The following DSCAM variants were observed in gnomAD, a reference collection of about 807,000 sequenced individuals.
DSCAM encodes DS cell adhesion molecule.
A neutral mutation model predicts 217.7 loss-of-function variants in DSCAM; 47 were observed. The ratio of observed to expected loss-of-function variants is 0.22; its 90% CI spans 0.17 to 0.28. The LOEUF is 0.28. DSCAM is among the 10% of genes least tolerant of loss of function. The probability of loss-of-function intolerance (pLI) is 1.00; values close to 1 mark genes in which losing one functional copy is unlikely to be tolerated. For missense variants in DSCAM, 2,080 were observed against 2,618.3 expected (o/e 0.79, Z 4.49); for synonymous variants, 1,056 against 1,015.3 (o/e 1.04, Z -0.76).
intron 1 of DSCAM, among the ~76,000 whole-genome samples, chr21:40,761,205 G>A (rs1245604323): frequency 1.3e-5 from 2 of 152,172 alleles, no homozygotes; most frequent in Non-Finnish European, 2.9e-5. Flanking sequence ...ATGCAGTTTT[G>A]CTAAATCTAA....
intron 27 of DSCAM, among the ~76,000 whole-genome samples, chr21:40,074,492 A>G (rs563935522): frequency 2.0e-5 from 3 of 152,184 alleles, no homozygotes; most frequent in Non-Finnish European, 4.4e-5. Flanking sequence ...TCTGTTCACA[A>G]TGGAGCTCAT....
chr21:40,648,552 G>A (rs2089977229), intron 3 of DSCAM, among the ~76,000 whole-genome samples: 1 of 152,112 alleles, frequency 6.6e-6, no homozygotes, highest in South Asian at 2.1e-4. Flanking sequence ...TTGAGAACCT[G>A]TCTTTCCATT....
At chr21:40,013,730 G>A (rs2088105337) in intron 32 of DSCAM, among the ~76,000 whole-genome samples, 1 of 152,200 alleles carries the variant, frequency 6.6e-6, no homozygotes, top group Non-Finnish European at 1.5e-5. Context: ...GGGTACGAAC[G>A]GTGATAGACC....
At position 40,167,248 on chromosome 21, in the gene DSCAM, T is replaced by C; in HGVS notation, c.2988A>G (p.Ile996Met). Residue 996 changes from isoleucine (I) to methionine (M), a missense_variant, in exon 16 of 33, where the codon ATA (isoleucine) becomes ATG (methionine). Physicochemically the swap from Ile to Met is conservative, Grantham distance 10 (BLOSUM62 1). Transcript: ENST00000400454. ...GPPQEVHLEP[I>M]SSQSIRVTWK... Reference sequence around the variant, plus strand: ...ATGTGACCCTGATGCTCTGAGATGATATAGGCTCCAGGTGAACTTCCTGAG... The same window carrying C: ...ATGTGACCCTGATGCTCTGAGATGACATAGGCTCCAGGTGAACTTCCTGAG... The C allele has an allele frequency of 6.2e-7, 1 of 1,613,882 alleles. No individual in the cohort carries two copies. Among genetic ancestry groups the C allele is most frequent in the Non-Finnish European group, 8.5e-7 (1 of 1,179,996 alleles).
Position 40,142,550 on chromosome 21 carries a change from C to A in DSCAM, c.3406+8G>T, listed in dbSNP as rs373831835. ...GGCAAACCCAAAGTCCTAGTTTAGT[C>A]CTCTTACCTCCGTCCATGAGGTTGG... On this transcript the variant is annotated splice_region_variant and intron_variant, in intron 18 of 32. Coordinates refer to ENST00000400454, the MANE Select transcript of DSCAM (RefSeq NM_001389.5). 3 of 1,613,662 alleles carry A rather than the reference C, an allele frequency of 1.9e-6. No homozygotes were observed. The African/African-American group carries it at 4.0e-5, about 22-fold the overall frequency.
chr21:40,739,755 G>A (rs922865663), intron 1 of DSCAM, among the ~76,000 whole-genome samples: 18 of 150,654 alleles, frequency 1.2e-4, no homozygotes, highest in South Asian at 8.4e-4. Flanking sequence ...TTAACTTCCC[G>A]AAATCAGTTA....
At chr21:40,207,982 C>T (rs138189583) in intron 11 of DSCAM, among the ~76,000 whole-genome samples, 1 of 152,280 alleles carries the variant, frequency 6.6e-6, no homozygotes, top group Non-Finnish European at 1.5e-5. Context: ...CCTCTTTAAG[C>T]CTCTATCTTC....
At chr21:40,283,038 A>T (rs993231201) in intron 10 of DSCAM, among the ~76,000 whole-genome samples, 1 of 152,232 alleles carries the variant, frequency 6.6e-6, no homozygotes, top group African/African-American at 2.4e-5. Context: ...TGGTTACTAA[A>T]TGGAATAATA....
intron 11 of DSCAM, among the ~76,000 whole-genome samples, chr21:40,199,271 C>T (rs748347801): frequency 6.6e-6 from 1 of 152,196 alleles, no homozygotes; most frequent in Non-Finnish European, 1.5e-5. Flanking sequence ...CATAAAAACA[C>T]CCACAGTATG....
chr21:40,589,605 A>G (rs1188002635), intron 3 of DSCAM, among the ~76,000 whole-genome samples: 2 of 152,242 alleles, frequency 1.3e-5, no homozygotes, highest in East Asian at 3.9e-4. Context: ...CACACAAAAA[A>G]CAAAAAACCA....
At chr21:40,023,342 T>A (rs2088312294) in intron 32 of DSCAM, among the ~76,000 whole-genome samples, 1 of 152,146 alleles carries the variant, frequency 6.6e-6, no homozygotes, top group South Asian at 2.1e-4. Context: ...TGTGCATATG[T>A]CTTTATAGCA....
At chr21:40,530,890 C>T (rs1274984366) in intron 3 of DSCAM, among the ~76,000 whole-genome samples, 1 of 81,322 alleles carries the variant, frequency 1.2e-5, no homozygotes, top group African/African-American at 1.0e-4. Flanking sequence ...TCCATCCATC[C>T]ATCCATCCAT....
intron 3 of DSCAM, among the ~76,000 whole-genome samples, chr21:40,563,993 C>T (rs923065798): frequency 6.6e-6 from 1 of 152,166 alleles, no homozygotes; most frequent in East Asian, 1.9e-4. Flanking sequence ...TGAGCAAGGC[C>T]AGCCATGCAA....
chr21:40,435,890 T>C (rs1601642354), intron 3 of DSCAM, among the ~76,000 whole-genome samples: 1 of 152,210 alleles, frequency 6.6e-6, no homozygotes, highest in Non-Finnish European at 1.5e-5. Flanking sequence ...ATATGTGATA[T>C]GATACCCTCT....
At chr21:40,591,918 G>T (rs1408851488) in intron 3 of DSCAM, among the ~76,000 whole-genome samples, 5 of 152,156 alleles carry the variant, frequency 3.3e-5, no homozygotes, top group Non-Finnish European at 7.3e-5. Flanking sequence ...ATCTGCCCAA[G>T]AATTAAAGAG....
intron 30 of DSCAM, among the ~76,000 whole-genome samples, chr21:40,050,906 G>C (rs560125591): frequency 2.6e-5 from 4 of 152,308 alleles, no homozygotes; most frequent in African/African-American, 9.6e-5. Flanking sequence ...TAGACAAAAG[G>C]AAGAGGTAAA....
intron 16 of DSCAM, among the ~76,000 whole-genome samples, chr21:40,155,366 G>A (rs750553761): frequency 2.6e-5 from 4 of 152,326 alleles, no homozygotes; most frequent in South Asian, 4.1e-4. Flanking sequence ...GTGAGCCTGA[G>A]GCTGGGCCCC....
Position 40,144,393 on chromosome 21 carries a change from C to CG in DSCAM, c.3259+97dup. 1 of 1,546,914 alleles carries CG rather than the reference C, an allele frequency of 6.5e-7. No individual in the cohort carries two copies. The highest frequency in any genetic ancestry group is 8.8e-7 in the Non-Finnish European group (1 of 1,142,496). On this transcript the variant is annotated intron_variant, in intron 17 of 32. Transcript: ENST00000400454. The surrounding 1 kb of genome is among the most constrained non-coding windows in gnomAD (Gnocchi z 4.8). The stretch of plus-strand genomic sequence containing the variant: ...CAGGCCCTGCAGGTCACTGCAAAGT[C>CG]GTGGGGCGGGGGAGTGCGAGGTTGG...
chr21:40,387,765 G>A (rs2075099860), intron 3 of DSCAM, among the ~76,000 whole-genome samples: 1 of 152,224 alleles, frequency 6.6e-6, no homozygotes, highest in South Asian at 2.1e-4. Context: ...TATTTTAAAT[G>A]TTGCAAAACT....
Sources: gnomAD v4.1 joint callset for allele counts (sites outside exome capture counted in the v4.1 genomes callset) on GRCh38, gnomAD v4.1.1 for gene constraint, Gnocchi (gnomAD v3.1) non-coding constraint, MANE v1.5 for transcripts, NCBI Gene and HGNC (gene_info 2026-07-23, HGNC 2026-07-21) for gene names.